Variants in PLD5 observed in about 807,000 individuals in gnomAD.
The protein encoded by PLD5 is phospholipase D family member 5.
PLD5 carries 36 observed loss-of-function variants against 61.1 expected under a neutral mutation model. The ratio of observed to expected loss-of-function variants is 0.59; its 90% CI spans 0.45 to 0.78. PLD5 has a LOEUF of 0.78. Ranked by LOEUF, PLD5 falls within the 30% of genes least tolerant of loss-of-function variation. The pLI is 0.00. For synonymous variants in PLD5, 243 were observed against 242.8 expected, an observed-to-expected ratio of 1.00 and a Z score of -0.01; for missense variants, 515 against 644.4, an observed-to-expected ratio of 0.80 and a Z score of 2.17.
At position 242,149,141 on chromosome 1, in the gene PLD5, C is replaced by T. The variant is rs137978949; in HGVS notation, c.736-24476G>A. Among the ~76,000 whole-genome samples, 260 of 151,804 alleles carry T rather than the reference C, an allele frequency of 1.7e-3. 1 individual carries two copies. Among genetic ancestry groups the T allele is most frequent in the African/African-American group, 5.6e-3 (231 of 41,432 alleles). ...AATATAATGCTAGCTGTAGGTTTTA[C>T]GCAGACGCTCTTTATCAGGTCAACA... On this transcript the variant is annotated intron_variant, in intron 5 of 9. Transcript: ENST00000536534.
chr1:242,377,086 TCTC>T, intron 1 of PLD5: 3 of 1,611,772 alleles, frequency 1.9e-6, no homozygotes, highest in Non-Finnish European at 1.7e-6. Context: ...CTGGGTTTGT[TCTC>T]CTGTTGGTTA....
chr1:242,221,895 C>T (rs151088347), intron 4 of PLD5, among the ~76,000 whole-genome samples: 13 of 152,304 alleles, frequency 8.5e-5, no homozygotes, highest in African/African-American at 1.7e-4. Flanking sequence ...TTCCCTAGGT[C>T]TGCTATAACA....
intron 3 of PLD5, among the ~76,000 whole-genome samples, chr1:242,274,900 C>G (rs1674325513): frequency 6.6e-6 from 1 of 152,176 alleles, no homozygotes; most frequent in South Asian, 2.1e-4. Context: ...AACACTTCCT[C>G]TCGTCAGAGA....
intron 9 of PLD5, among the ~76,000 whole-genome samples, chr1:242,092,998 CCAT>C (rs1659955137): frequency 6.6e-6 from 1 of 152,172 alleles, no homozygotes; most frequent in Non-Finnish European, 1.5e-5. Context: ...TCATCCCAAC[CCAT>C]CATCTGCCCC....
intron 5 of PLD5, among the ~76,000 whole-genome samples, chr1:242,151,283 ATTC>A (rs1664909061): frequency 6.6e-6 from 1 of 151,858 alleles, no homozygotes; most frequent in Non-Finnish European, 1.5e-5. Context: ...CTGTGATCAT[ATTC>A]TTTATGCCTA....
Position 242,087,148 on chromosome 1 carries a change from A to C in PLD5, c.*2706T>G, listed in dbSNP as rs184778474. ...TGAACCCATTTCTGACACTCTTGGT[A>C]TGGGGGTCACTTTTCTGGCTGCCAC... On this transcript the variant is annotated 3_prime_UTR_variant, in exon 10 of 10. Transcript: ENST00000536534. The C allele has an allele frequency of 6.6e-6, 1 of 152,266 alleles. No individual in the cohort carries two copies. The highest frequency in any genetic ancestry group is 1.5e-5 in the Non-Finnish European group (1 of 68,046). The allele number at this position is 152,266 out of a possible 1,614,324, so 9.4% of individuals were successfully genotyped here. A position where few individuals can be genotyped will look rare whatever the true frequency, so the allele number is the denominator to read the frequency against.
intron 1 of PLD5, among the ~76,000 whole-genome samples, chr1:242,419,879 T>C: frequency 6.6e-6 from 1 of 152,202 alleles, no homozygotes; most frequent in East Asian, 1.9e-4. Context: ...TTGAATTCTA[T>C]CAGCCAGCTT....
intron 5 of PLD5, among the ~76,000 whole-genome samples, chr1:242,160,753 C>T (rs1408540577): frequency 6.6e-6 from 1 of 151,976 alleles, no homozygotes; most frequent in Non-Finnish European, 1.5e-5. Context: ...GGTGTGGTTG[C>T]ACACGCCTGT....
Position 242,194,608 on chromosome 1 carries a change from A to G in PLD5, c.735+25380T>C, listed in dbSNP as rs1270664892. On this transcript the variant is annotated intron_variant, in intron 5 of 9. Coordinates refer to ENST00000536534, the MANE Select transcript of PLD5 (RefSeq NM_001372062.1). ...TATCTATCTATCTATCTATCTATGT[A>G]TCTATCTATGTATCTATCTATCTAT... is the stretch of plus-strand genomic sequence containing the variant. Among the ~76,000 whole-genome samples, 5 of 95,294 alleles carry G rather than the reference A, an allele frequency of 5.2e-5. 1 individual carries two copies. Among genetic ancestry groups the G allele is most frequent in the African/African-American group, 1.7e-4 (4 of 22,884 alleles). 62.5% of individuals were successfully genotyped at this position (95,294 alleles called of 152,430 possible).
At chr1:242,463,111 T>C (rs1198495769) in intron 1 of PLD5, among the ~76,000 whole-genome samples, 2 of 152,188 alleles carry the variant, frequency 1.3e-5, no homozygotes, top group Non-Finnish European at 2.9e-5. Flanking sequence ...CGAGCTCATA[T>C]CTTTTCCTCG....
intron 5 of PLD5, among the ~76,000 whole-genome samples, chr1:242,152,077 G>C (rs1418830768): frequency 1.3e-5 from 2 of 151,788 alleles, no homozygotes; most frequent in Admixed American, 6.6e-5. Context: ...TGGTTCAAAA[G>C]TTCAAGACTC....
chr1:242,197,159 C>G lies in PLD5; in HGVS notation c.735+22829G>C, dbSNP rs1341017454. ...CAGGTAATGAGCCAGCCTGGGGCAG[C>G]TCAGCCAGCCCAGGAGGGACCCTGC... On this transcript the variant is annotated intron_variant, in intron 5 of 9. Transcript: ENST00000536534. 2.6e-5 allele frequency among the ~76,000 whole-genome samples: 4 copies of G among 152,250 alleles called. No individual in the cohort carries two copies. In the East Asian group the frequency reaches 7.7e-4, roughly 29 times the overall value.
chr1:242,176,349 T>A (rs1157367258), intron 5 of PLD5, among the ~76,000 whole-genome samples: 2 of 152,148 alleles, frequency 1.3e-5, no homozygotes, highest in Non-Finnish European at 2.9e-5. Flanking sequence ...GATTCCCTAT[T>A]TAATAAATGG....
At chr1:242,282,670 AT>A (rs982687568) in intron 3 of PLD5, among the ~76,000 whole-genome samples, 83 of 149,012 alleles carry the variant, frequency 5.6e-4, no homozygotes, top group Admixed American at 3.2e-3. Context: ...AGAGTGTGAG[AT>A]TTTTTTTTTT....
chr1:242,099,548 G>A (rs1660525394), intron 9 of PLD5, among the ~76,000 whole-genome samples: 2 of 152,218 alleles, frequency 1.3e-5, no homozygotes, highest in Admixed American at 6.5e-5. Context: ...GGCAGTGTCT[G>A]CAGGGGCGGG....
At chr1:242,214,804 TACCAAC>T (rs1670047079) in intron 5 of PLD5, among the ~76,000 whole-genome samples, 1 of 151,210 alleles carries the variant, frequency 6.6e-6, no homozygotes, top group South Asian at 2.1e-4. Context: ...TAGCCATTGA[TACCAAC>T]ACTCATCTAA....
chr1:242,510,189 G>A (rs552353733), intron 1 of PLD5, among the ~76,000 whole-genome samples: 31 of 151,932 alleles, frequency 2.0e-4, no homozygotes, highest in African/African-American at 5.8e-4. Flanking sequence ...CCCCTTTCCC[G>A]CACGCAGGCC....
intron 2 of PLD5, among the ~76,000 whole-genome samples, chr1:242,342,204 G>T (rs1659874306): frequency 6.6e-6 from 1 of 152,218 alleles, no homozygotes; most frequent in Admixed American, 6.5e-5. Flanking sequence ...AGCAACAAAA[G>T]TCCCTCTTCT....
chr1:242,364,514 C>T (rs574254768), intron 1 of PLD5, among the ~76,000 whole-genome samples: 4 of 152,072 alleles, frequency 2.6e-5, no homozygotes, highest in East Asian at 1.9e-4. Context: ...GCCAGGGGTT[C>T]GAGACCAGCC....
Sources: gnomAD v4.1 joint callset for allele counts (sites outside exome capture counted in the v4.1 genomes callset) on GRCh38, gnomAD v4.1.1 for gene constraint, MANE v1.5 for transcripts, NCBI Gene and HGNC (gene_info 2026-07-23, HGNC 2026-07-21) for gene names.